Variants in DNAJB14 observed in about 807,000 individuals in gnomAD.
DNAJB14 encodes the protein DnaJ heat shock protein family (Hsp40) member B14.
DNAJB14 carries 22 observed loss-of-function variants against 48.4 expected under a neutral mutation model. The observed-to-expected ratio is 0.45, with a 90% CI of 0.32 to 0.65. The LOEUF is 0.65. Among genes scored for constraint, DNAJB14 ranks in the 30% least tolerant of loss-of-function variants. DNAJB14 has a pLI of 0.03. For synonymous variants in DNAJB14, 142 were observed against 158.7 expected, an observed-to-expected ratio of 0.89 and a Z score of 0.79; for missense variants, 319 against 458.8, an observed-to-expected ratio of 0.70 and a Z score of 2.78.
At chr4:99,910,406 G>A (rs1251212977) in intron 3 of DNAJB14, 1 of 151,934 alleles carries the variant, frequency 6.6e-6, no homozygotes, top group African/African-American at 2.4e-5. Flanking sequence ...ATCAATCTCT[G>A]CTAAAATTGT....
intron 1 of DNAJB14, among the ~76,000 whole-genome samples, 156 bp downstream of exon 1, chr4:99,946,283 G>T (rs914655095): frequency 3.3e-5 from 5 of 152,126 alleles, no homozygotes; most frequent in African/African-American, 9.7e-5. Context: ...CAGGGCGGGG[G>T]TGTGTCGGGA....
At chr4:99,929,477 C>T (rs757688971) in intron 2 of DNAJB14, 9 of 151,964 alleles carry the variant, frequency 5.9e-5, no homozygotes, top group Non-Finnish European at 1.2e-4. Context: ...GGGACAAATG[C>T]AAAATATAAA....
At chr4:99,944,885 A>AT (rs1224310876) in intron 1 of DNAJB14, among the ~76,000 whole-genome samples, 1 of 152,092 alleles carries the variant, frequency 6.6e-6, no homozygotes, top group East Asian at 1.9e-4. Flanking sequence ...CCTAATCAGT[A>AT]TTTTTTTAAA....
In DNAJB14 at chr4:99,898,337, T is replaced by A. The variant is rs1388110335; in HGVS notation, c.*2691A>T. ...TATGAAACAAATACTTATTTAGGTGTTCAAATGTAATCTGTTTACAAAATA... is the reference window on the plus strand; with the variant it reads ...TATGAAACAAATACTTATTTAGGTGATCAAATGTAATCTGTTTACAAAATA... On this transcript the variant is annotated 3_prime_UTR_variant, in exon 8 of 8. Coordinates refer to ENST00000442697, the MANE Select transcript of DNAJB14 (RefSeq NM_001031723.4). The A allele has an allele frequency of 1.3e-5, 2 of 151,992 alleles. No homozygotes were observed. Among genetic ancestry groups the A allele is most frequent in the Non-Finnish European group, 2.9e-5 (2 of 67,858 alleles). The allele number at this position is 151,992 out of a possible 1,614,324, so 9.4% of individuals were successfully genotyped here.
rs1725262906 is a variant in DNAJB14 at position 99,900,511 on chromosome 4, T to C, written c.*517A>G. 1 of 152,138 alleles carries C rather than the reference T, an allele frequency of 6.6e-6. No homozygotes were observed. Among genetic ancestry groups the C allele is most frequent in the African/African-American group, 2.4e-5 (1 of 41,446 alleles). The allele number at this position is 152,138 out of a possible 1,614,324, so 9.4% of individuals were successfully genotyped here. ...ATTTTACACAAAGTTAAAGTTTTTG[T>C]TTTTTCTTTTTGAAAAAGTTTCATT... On this transcript the variant is annotated 3_prime_UTR_variant, in exon 8 of 8. Transcript: ENST00000442697.
intron 3 of DNAJB14, among the ~76,000 whole-genome samples, chr4:99,912,259 G>A (rs916768301): frequency 6.6e-5 from 10 of 152,076 alleles, no homozygotes; most frequent in East Asian, 1.9e-4. Context: ...CCATTACCAC[G>A]CAGTTTTGTT....
intron 1 of DNAJB14, among the ~76,000 whole-genome samples, chr4:99,941,250 C>T (rs1726880657): frequency 6.6e-6 from 1 of 151,988 alleles, no homozygotes; most frequent in South Asian, 2.1e-4. Context: ...TATACACAGG[C>T]AATGTAAGGG....
At chr4:99,914,578 G>A (rs1725784118) in intron 3 of DNAJB14, among the ~76,000 whole-genome samples, 1 of 151,924 alleles carries the variant, frequency 6.6e-6, no homozygotes, top group Admixed American at 6.6e-5. Context: ...CACCAACATG[G>A]CACATGTATA....
chr4:99,928,190 C>T (rs1391216365), intron 2 of DNAJB14: 1 of 152,654 alleles, frequency 6.6e-6, no homozygotes, highest in East Asian at 1.9e-4. Context: ...AAAACTAAAT[C>T]AGCAATACTT....
At position 99,898,712 on chromosome 4, in the gene DNAJB14, C is replaced by T. The variant is rs1725202875; in HGVS notation, c.*2316G>A. On this transcript the variant is annotated 3_prime_UTR_variant, in exon 8 of 8. Transcript: ENST00000442697. ...CAAAGATTGAGGACTTTTAGGTGGT[C>T]ATTAGAATGAGCCGATGAAATTGCG... The T allele has an allele frequency of 6.6e-6, 1 of 151,716 alleles. No homozygotes were observed. Among genetic ancestry groups the T allele is most frequent in the South Asian group, 2.1e-4 (1 of 4,814 alleles). 9.4% of individuals were successfully genotyped at this position (151,716 alleles called of 1,614,324 possible). A position where few individuals can be genotyped will look rare whatever the true frequency, so the allele number is the denominator to read the frequency against.
At chr4:99,912,744 G>C (rs1725710547) in intron 3 of DNAJB14, among the ~76,000 whole-genome samples, 1 of 152,186 alleles carries the variant, frequency 6.6e-6, no homozygotes, top group African/African-American at 2.4e-5. Context: ...CTCCCAAAGT[G>C]CTGGGATTAC....
At chr4:99,927,194 A>G (rs1726288060) in intron 2 of DNAJB14, 1 of 152,146 alleles carries the variant, frequency 6.6e-6, no homozygotes, top group African/African-American at 2.4e-5. Context: ...TGTGGAGCTC[A>G]ACAATGGGAA....
At chr4:99,927,796 G>A (rs910855589) in intron 2 of DNAJB14, 3 of 152,044 alleles carry the variant, frequency 2.0e-5, no homozygotes, top group East Asian at 3.9e-4. Context: ...TTGCATAATC[G>A]TGCTAACCAA....
At chr4:99,910,971 T>C (rs1451870760) in intron 3 of DNAJB14, among the ~76,000 whole-genome samples, 1 of 152,090 alleles carries the variant, frequency 6.6e-6, no homozygotes, top group African/African-American at 2.4e-5. Flanking sequence ...AGTCAGGATA[T>C]AGAACATTTC....
In DNAJB14 at chr4:99,944,676, C is replaced by T. The variant is rs186074008; in HGVS notation, c.133+1763G>A. On this transcript the variant is annotated intron_variant, in intron 1 of 7. Coordinates refer to ENST00000442697, the MANE Select transcript of DNAJB14 (RefSeq NM_001031723.4). ...GTAACCTCCATCTCCCGAGTTCAAGCGATTCTCCTGCCTCAGCATCCCCTA... is the reference window on the plus strand; with the variant it reads ...GTAACCTCCATCTCCCGAGTTCAAGTGATTCTCCTGCCTCAGCATCCCCTA... Among the ~76,000 whole-genome samples the T allele has an allele frequency of 1.9e-3, 290 of 151,738 alleles. 1 individual carries two copies. Among genetic ancestry groups the T allele is most frequent in the African/African-American group, 6.6e-3 (273 of 41,340 alleles).
rs1279644928 is a variant in DNAJB14 at position 99,897,438 on chromosome 4, A to G, written c.*3590T>C. The G allele has an allele frequency of 6.6e-6, 1 of 151,888 alleles. No individual in the cohort carries two copies. Among genetic ancestry groups the G allele is most frequent in the African/African-American group, 2.4e-5 (1 of 41,436 alleles). The allele number at this position is 151,888 out of a possible 1,614,324, so 9.4% of individuals were successfully genotyped here. ...TCCATTTATATGAAAGTATCTATTT[A>G]ATAGTAATAAAACCAAAAAGGAAGC... On this transcript the variant is annotated 3_prime_UTR_variant, in exon 8 of 8. Transcript: ENST00000442697.
At chr4:99,911,743 AT>A (rs1252647200) in intron 3 of DNAJB14, among the ~76,000 whole-genome samples, 1 of 151,958 alleles carries the variant, frequency 6.6e-6, no homozygotes, top group Non-Finnish European at 1.5e-5. Flanking sequence ...ACTGTCTGTT[AT>A]TTTACTTTTG....
At chr4:99,902,004 C>G (rs1302019363) in intron 7 of DNAJB14, among the ~76,000 whole-genome samples, 1 of 152,148 alleles carries the variant, frequency 6.6e-6, no homozygotes. Context: ...ATAATCTTTA[C>G]TAAATCAACT....
rs567444598 is a variant in DNAJB14 at position 99,934,232 on chromosome 4, G to A, written c.134-3611C>T. On this transcript the variant is annotated intron_variant, in intron 1 of 7. Transcript: ENST00000442697. ...ATGAGAAGATCTCATTTAGCAAGGTGACATTTTTAAACATTACACAAAAAC... is the reference window on the plus strand; with the variant it reads ...ATGAGAAGATCTCATTTAGCAAGGTAACATTTTTAAACATTACACAAAAAC... Among the ~76,000 whole-genome samples the A allele has an allele frequency of 2.0e-5, 3 of 152,170 alleles. No individual in the cohort carries two copies. In the South Asian group the frequency reaches 6.2e-4, roughly 32 times the overall value.
Sources: gnomAD v4.1 joint callset for allele counts (sites outside exome capture counted in the v4.1 genomes callset) on GRCh38, gnomAD v4.1.1 for gene constraint, MANE v1.5 for transcripts, NCBI Gene and HGNC (gene_info 2026-07-23, HGNC 2026-07-21) for gene names.